MNAT1: variants seen among roughly 807,000 people sequenced by gnomAD.
MNAT1 encodes the protein MNAT1 component of CDK activating kinase, also known as CDK-activating kinase assembly factor MAT1.
In MNAT1, 43 loss-of-function variants were observed where a neutral mutation model predicts 42.0. The ratio of observed to expected loss-of-function variants is 1.02; its 90% CI spans 0.80 to 1.32. The LOEUF is 1.32. Among genes scored for constraint, MNAT1 ranks in the 40% most tolerant of loss-of-function variants. The pLI is 0.00. For missense variants in MNAT1, 306 were observed against 350.4 expected, an observed-to-expected ratio of 0.87 and a Z score of 1.01; for synonymous variants, 118 against 120.0, an observed-to-expected ratio of 0.98 and a Z score of 0.11.
intron 6 of MNAT1, among the ~76,000 whole-genome samples, chr14:60,826,324 T>G (rs1165745119): frequency 6.9e-6 from 1 of 145,902 alleles, no homozygotes; most frequent in Non-Finnish European, 1.5e-5. Context: ...TTTTTTTTTT[T>G]TTTTTTTTTT....
intron 1 of MNAT1, among the ~76,000 whole-genome samples, chr14:60,785,373 C>T (rs990613783): frequency 5.9e-5 from 9 of 152,180 alleles, no homozygotes; most frequent in South Asian, 2.1e-4. Context: ...ATCTGGGGAA[C>T]GGGTCTCAAA....
chr14:60,957,188 C>T (rs187237862), intron 7 of MNAT1, among the ~76,000 whole-genome samples: 10 of 152,028 alleles, frequency 6.6e-5, no homozygotes, highest in Admixed American at 6.5e-4. Flanking sequence ...TTTTTGTTAC[C>T]ATGAGGGTTA....
rs897596278 is a variant in MNAT1 at position 60,969,592 on chromosome 14, G to T, written c.*1243G>T. On this transcript the variant is annotated 3_prime_UTR_variant, in exon 8 of 8. Coordinates refer to ENST00000261245, the MANE Select transcript of MNAT1 (RefSeq NM_002431.4). ...GTAAAAAGCCAGAATTAGAATGCAG[G>T]TTTTTTTTTTCAAAGTCCAGTTCCA... is the stretch of plus-strand genomic sequence containing the variant. The T allele has an allele frequency of 1.3e-5, 2 of 148,988 alleles. No homozygotes were observed. The highest frequency in any genetic ancestry group is 2.5e-5 in the African/African-American group (1 of 40,652). 9.2% of individuals were successfully genotyped at this position (148,988 alleles called of 1,614,324 possible).
intron 1 of MNAT1, among the ~76,000 whole-genome samples, chr14:60,763,142 C>G (rs1170970675): frequency 6.6e-6 from 1 of 152,096 alleles, no homozygotes; most frequent in Admixed American, 6.6e-5. Context: ...AAAAGTCATG[C>G]GTAGGGAGTT....
intron 7 of MNAT1, among the ~76,000 whole-genome samples, chr14:60,909,862 A>C (rs981849219): frequency 6.6e-6 from 1 of 151,988 alleles, no homozygotes; most frequent in Non-Finnish European, 1.5e-5. Flanking sequence ...TCTGTGAAGA[A>C]AGTCATTGGT....
intron 7 of MNAT1, among the ~76,000 whole-genome samples, chr14:60,881,147 T>C (rs529209339): frequency 3.9e-5 from 6 of 152,312 alleles, no homozygotes; most frequent in South Asian, 2.1e-4. Flanking sequence ...GATTTTCTTA[T>C]GTCCGGGTAG....
intron 6 of MNAT1, among the ~76,000 whole-genome samples, chr14:60,833,276 C>T (rs2033278158): frequency 6.6e-6 from 1 of 152,150 alleles, no homozygotes; most frequent in Non-Finnish European, 1.5e-5. Flanking sequence ...GGGAATTCTT[C>T]CAGCTTTTGC....
At chr14:60,922,054 CT>C (rs2035672403) in intron 7 of MNAT1, among the ~76,000 whole-genome samples, 1 of 152,118 alleles carries the variant, frequency 6.6e-6, no homozygotes, top group African/African-American at 2.4e-5. Flanking sequence ...TTAAATCACC[CT>C]TTTGGTAATA....
rs1272552619 is a variant in MNAT1, at chr14:60,840,905, T to A, written c.687+22058T>A. On this transcript the variant is annotated intron_variant, in intron 6 of 7. Coordinates refer to ENST00000261245, the MANE Select transcript of MNAT1 (RefSeq NM_002431.4). ...GTTTTGATTTCCTGACCTCAGGTGA[T>A]CCGCCCACCTCAGTCTCCCAAGGTG... Among the ~76,000 whole-genome samples the A allele has an allele frequency of 2.0e-5, 3 of 152,180 alleles. No individual in the cohort carries two copies. The South Asian group carries it at 6.2e-4, about 32-fold the overall frequency.
chr14:60,799,515 C>A, intron 3 of MNAT1: 2 of 561,690 alleles, frequency 3.6e-6, no homozygotes, highest in Non-Finnish European at 4.5e-6. Context: ...TCTGGTCAAG[C>A]AATAAAGGGA....
chr14:60,812,125 C>CTGGTATG lies in MNAT1; in HGVS notation c.561_561+6dup. ...GAATAAGCAGGCTTTTTTAGATGAG[C>CTGGTATG]TGGTATGTATTAATGCTAATTGTGA... On this transcript the variant is annotated frameshift_variant and splice_region_variant, in exon 5 of 8. Transcript: ENST00000261245. LOFTEE classifies it high-confidence loss of function. 3 of 1,580,652 alleles carry CTGGTATG rather than the reference C, an allele frequency of 1.9e-6. No homozygotes were observed. The highest frequency in any genetic ancestry group is 2.6e-6 in the Non-Finnish European group (3 of 1,168,680).
chr14:60,783,683 A>G (rs2031542995), intron 1 of MNAT1, among the ~76,000 whole-genome samples: 1 of 151,810 alleles, frequency 6.6e-6, no homozygotes, highest in African/African-American at 2.4e-5. Flanking sequence ...TTTTCAGTAG[A>G]GACAGGGTTT....
chr14:60,880,554 A>G (rs569442963), intron 7 of MNAT1, among the ~76,000 whole-genome samples: 2 of 152,252 alleles, frequency 1.3e-5, no homozygotes, highest in African/African-American at 2.4e-5. Context: ...GAAAGAATAT[A>G]CTGTGAAAAA....
At chr14:60,821,294 T>C (rs1249337338) in intron 6 of MNAT1, among the ~76,000 whole-genome samples, 1 of 152,188 alleles carries the variant, frequency 6.6e-6, no homozygotes, top group Non-Finnish European at 1.5e-5. Context: ...TGTTATGCTT[T>C]TTAACCCTTT....
intron 7 of MNAT1, among the ~76,000 whole-genome samples, chr14:60,966,240 C>T (rs1369418944): frequency 2.0e-5 from 3 of 151,718 alleles, no homozygotes; most frequent in Admixed American, 6.6e-5. Context: ...GATTCTCTTG[C>T]CTCCCAAGTA....
At chr14:60,782,752 G>C (rs562979675) in intron 1 of MNAT1, among the ~76,000 whole-genome samples, 1 of 152,308 alleles carries the variant, frequency 6.6e-6, no homozygotes, top group East Asian at 1.9e-4. Context: ...CAGAGGCACA[G>C]AGAGGTTTAA....
intron 3 of MNAT1, among the ~76,000 whole-genome samples, chr14:60,801,803 A>T (rs901651845): frequency 1.3e-5 from 2 of 152,324 alleles, no homozygotes; most frequent in African/African-American, 2.4e-5. Flanking sequence ...CTACCATATG[A>T]TCCAGTAATC....
At chr14:60,942,003 CAAAAA>C (rs3080602) in intron 7 of MNAT1, among the ~76,000 whole-genome samples, 49 of 29,932 alleles carry the variant, frequency 1.6e-3, no homozygotes, top group African/African-American at 8.4e-3. Context: ...GGCTCCATCT[CAAAAA>C]AAAAAAAAAA....
chr14:60,966,747 C>G (rs1461406289), intron 7 of MNAT1, among the ~76,000 whole-genome samples: 11 of 152,208 alleles, frequency 7.2e-5, no homozygotes, highest in Non-Finnish European at 1.6e-4. Flanking sequence ...CTTCTGACTT[C>G]AGATGATCCG....
Sources: gnomAD v4.1 joint callset for allele counts (sites outside exome capture counted in the v4.1 genomes callset) on GRCh38, gnomAD v4.1.1 for gene constraint, MANE v1.5 for transcripts, NCBI Gene and HGNC (gene_info 2026-07-23, HGNC 2026-07-21) for gene names.